GPR158: variants seen among roughly 807,000 people sequenced by gnomAD.
GPR158 encodes metabotropic glycine receptor.
A neutral mutation model predicts 78.2 loss-of-function variants in GPR158; 30 were observed. That is an observed-to-expected ratio of 0.38 (90% CI 0.29 to 0.52). GPR158 has a LOEUF of 0.52. Ranked by LOEUF, GPR158 falls within the 20% of genes least tolerant of loss-of-function variation. The pLI, the probability that GPR158 is intolerant of heterozygous loss-of-function variation, is 0.83. For synonymous variants in GPR158, 581 were observed against 591.1 expected, an observed-to-expected ratio of 0.98 and a Z score of 0.25; for missense variants, 1,463 against 1,523.5, an observed-to-expected ratio of 0.96 and a Z score of 0.66.
chr10:25,292,861 T>C (rs2130766375), intron 2 of GPR158, among the ~76,000 whole-genome samples: 2 of 152,324 alleles, frequency 1.3e-5, no homozygotes, highest in South Asian at 4.1e-4. Context: ...AAGACACTCA[T>C]TTGTCTAAAT....
intron 4 of GPR158, among the ~76,000 whole-genome samples, chr10:25,421,726 A>T (rs1834754399): frequency 6.6e-6 from 1 of 152,216 alleles, no homozygotes; most frequent in Non-Finnish European, 1.5e-5. Flanking sequence ...CATTATTAAA[A>T]CAATATTATT....
At chr10:25,543,365 C>T (rs529099908) in intron 5 of GPR158, among the ~76,000 whole-genome samples, 11 of 152,298 alleles carry the variant, frequency 7.2e-5, no homozygotes, top group African/African-American at 2.6e-4. Flanking sequence ...AAGTGATCCA[C>T]CCACCTCAGC....
At position 25,439,837 on chromosome 10, in the gene GPR158, C is replaced by G. The variant is rs117351856; in HGVS notation, c.1336-26814C>G. On this transcript the variant is annotated intron_variant, in intron 4 of 10. Coordinates refer to ENST00000376351, the MANE Select transcript of GPR158 (RefSeq NM_020752.3). ...AAAGAACAATTGTCTACAATTGTGT[C>G]TACAAAATTTTTTGTTCTTTGGCAT... 9.4e-3 allele frequency among the ~76,000 whole-genome samples: 1,438 copies of G among 152,254 alleles called. 9 individuals are homozygous for G. Among genetic ancestry groups the G allele is most frequent in the Non-Finnish European group, 0.013 (876 of 68,016 alleles).
chr10:25,396,933 T>TGTCAGCCTGGGGTCACTCTTA (rs1476362628), intron 3 of GPR158, among the ~76,000 whole-genome samples: 1 of 152,194 alleles, frequency 6.6e-6, no homozygotes, highest in Non-Finnish European at 1.5e-5. Context: ...TCTGGCTGGA[T>TGTCAGCCTGGGGTCACTCTTA]GTCAGCCTGG....
intron 3 of GPR158, among the ~76,000 whole-genome samples, chr10:25,409,120 A>G (rs1299903322): frequency 6.6e-6 from 1 of 152,188 alleles, no homozygotes; most frequent in African/African-American, 2.4e-5. Context: ...TCCATTATAC[A>G]GCCTTGTGTT....
intron 7 of GPR158, among the ~76,000 whole-genome samples, chr10:25,585,983 A>G (rs1837260982): frequency 6.6e-6 from 1 of 152,184 alleles, no homozygotes; most frequent in Non-Finnish European, 1.5e-5. Context: ...TGTCTCAAAA[A>G]AAATAAAAAT....
intron 2 of GPR158, among the ~76,000 whole-genome samples, chr10:25,263,126 C>T (rs968856899): frequency 2.6e-5 from 4 of 152,152 alleles, no homozygotes; most frequent in African/African-American, 2.4e-5. Context: ...ACTTGCCATA[C>T]CCAAGGTTGC....
intron 4 of GPR158, among the ~76,000 whole-genome samples, chr10:25,416,800 T>C (rs1267409084): frequency 6.6e-6 from 1 of 152,196 alleles, no homozygotes; most frequent in East Asian, 1.9e-4. Context: ...GAAAAGTTTA[T>C]GCATGTATAT....
At chr10:25,342,245 A>T (rs1008633980) in intron 2 of GPR158, among the ~76,000 whole-genome samples, 6 of 149,488 alleles carry the variant, frequency 4.0e-5, no homozygotes, top group Non-Finnish European at 5.9e-5. Flanking sequence ...GAACTGTTTT[A>T]TTTTTTTTTT....
chr10:25,176,277 C>A lies in GPR158; in HGVS notation c.857C>A (p.Ser286Tyr), dbSNP rs1684507570. Residue 286 changes from serine to tyrosine, a missense_variant, in exon 1 of 11, where the codon TCC becomes TAC. Transcript: ENST00000376351. The surrounding 1 kb of genome is among the most constrained non-coding windows in gnomAD (Gnocchi z 6.3). ...SYKPGWLVTL[S>Y]SAIYGLQPNL... ...AAGCCCGGGTGGCTGGTTACTCTTT[C>A]CTCTGCCATCTACGGGTTGCAGCCT... 8.1e-6 allele frequency: 13 copies of A among 1,609,090 alleles called. No individual in the cohort carries two copies. Among genetic ancestry groups the A allele is most frequent in the Non-Finnish European group, 1.1e-5 (13 of 1,178,278 alleles).
intron 5 of GPR158, among the ~76,000 whole-genome samples, chr10:25,490,295 C>CT (rs138859493): frequency 1.3e-5 from 2 of 150,494 alleles, no homozygotes; most frequent in Admixed American, 6.6e-5. Context: ...TTGGATTTGT[C>CT]TTTTTTTTAA....
intron 8 of GPR158, among the ~76,000 whole-genome samples, chr10:25,590,186 GTT>G (rs1359907667): frequency 1.3e-5 from 2 of 152,060 alleles, no homozygotes; most frequent in Non-Finnish European, 2.9e-5. Flanking sequence ...AGAAAGAGAC[GTT>G]GCCAGACAGC....
At chr10:25,447,198 T>C (rs193249582) in intron 4 of GPR158, among the ~76,000 whole-genome samples, 1 of 152,328 alleles carries the variant, frequency 6.6e-6, no homozygotes, top group African/African-American at 2.4e-5. Context: ...AATTTTTATG[T>C]GCAGTGAGAA....
chr10:25,440,949 CAT>C (rs1835058704), intron 4 of GPR158, among the ~76,000 whole-genome samples: 1 of 152,046 alleles, frequency 6.6e-6, no homozygotes, highest in Non-Finnish European at 1.5e-5. Flanking sequence ...AGGTAGGACT[CAT>C]AGTCTCATTT....
chr10:25,370,764 G>T (rs1157868385), intron 2 of GPR158, among the ~76,000 whole-genome samples: 1 of 150,352 alleles, frequency 6.7e-6, no homozygotes. Context: ...TTTTGACAGT[G>T]GGGTGTTAAA....
rs1405380848 is a variant in GPR158, at chr10:25,600,149, G to A, written c.*875G>A. 1 of 152,666 alleles carries A rather than the reference G, an allele frequency of 6.6e-6. No homozygotes were observed. 9.5% of individuals were successfully genotyped at this position (152,666 alleles called of 1,614,324 possible). ...TTGCACTTCTTGTTAGGACTCAGAA[G>A]CTTTATTAATATTGGAGATCAAGTG... On this transcript the variant is annotated 3_prime_UTR_variant, in exon 11 of 11. Coordinates refer to ENST00000376351, the MANE Select transcript of GPR158 (RefSeq NM_020752.3).
At chr10:25,299,293 A>G (rs1206294405) in intron 2 of GPR158, among the ~76,000 whole-genome samples, 1 of 152,140 alleles carries the variant, frequency 6.6e-6, no homozygotes, top group African/African-American at 2.4e-5. Context: ...GGTATACAGT[A>G]CAATATTATT....
At chr10:25,317,817 C>T (rs113902877) in intron 2 of GPR158, among the ~76,000 whole-genome samples, 7,568 of 151,366 alleles carry the variant, frequency 0.05, 223 homozygotes, top group African/African-American at 0.079. Context: ...CAGTGTCCGC[C>T]TCCTAGGTTC....
intron 4 of GPR158, among the ~76,000 whole-genome samples, chr10:25,439,360 C>A (rs1395972187): frequency 6.6e-6 from 1 of 152,128 alleles, no homozygotes; most frequent in Non-Finnish European, 1.5e-5. Context: ...GGGGAAGCCG[C>A]CCCCATGATT....
Sources: allele counts gnomAD v4.1 joint callset (sites outside exome capture counted in the v4.1 genomes callset), GRCh38; gene constraint gnomAD v4.1.1; non-coding constraint Gnocchi (gnomAD v3.1); transcripts MANE v1.5; gene names NCBI Gene and HGNC (gene_info 2026-07-23, HGNC 2026-07-21).